KCNC2: variants seen among roughly 807,000 people sequenced by gnomAD.
KCNC2 encodes the protein voltage-gated potassium channel KCNC2.
A neutral mutation model predicts 44.5 loss-of-function variants in KCNC2; 21 were observed. The ratio of observed to expected loss-of-function variants is 0.47; its 90% CI spans 0.33 to 0.68. The LOEUF is 0.68. KCNC2 is among the 30% of genes least tolerant of loss of function. The pLI, the probability that KCNC2 is intolerant of heterozygous loss-of-function variation, is 0.01. For synonymous variants in KCNC2, 391 were observed against 339.1 expected (o/e 1.15, Z -1.68); for missense variants, 589 against 826.2 (o/e 0.71, Z 3.52).
At chr12:75,186,257 A>G (rs12300221) in intron 2 of KCNC2, among the ~76,000 whole-genome samples, 2,183 of 152,184 alleles carry the variant, frequency 0.014, 42 homozygotes, top group Admixed American at 0.038. Flanking sequence ...GAAGAAATAC[A>G]CAGGGCTCTC....
At chr12:75,162,619 A>G (rs1891191991) in intron 2 of KCNC2, among the ~76,000 whole-genome samples, 1 of 151,764 alleles carries the variant, frequency 6.6e-6, no homozygotes, top group African/African-American at 2.4e-5. Flanking sequence ...ATGCAAATTT[A>G]AAATCAGATA....
At chr12:75,180,170 C>G (rs12425359) in intron 2 of KCNC2, among the ~76,000 whole-genome samples, 11,914 of 151,906 alleles carry the variant, frequency 0.078, 534 homozygotes, top group Admixed American at 0.14. Flanking sequence ...ATCTATCCTA[C>G]TTTTAAACAA....
intron 2 of KCNC2, among the ~76,000 whole-genome samples, chr12:75,133,595 T>C (rs1420407431): frequency 6.6e-6 from 1 of 151,952 alleles, no homozygotes; most frequent in Non-Finnish European, 1.5e-5. Flanking sequence ...GCCCAAACCA[T>C]ATATAAAATT....
chr12:75,158,964 A>G (rs1331805284), intron 2 of KCNC2, among the ~76,000 whole-genome samples: 1 of 151,874 alleles, frequency 6.6e-6, no homozygotes, highest in East Asian at 1.9e-4. Context: ...GGGTAAATAT[A>G]AGCCCTTGGT....
At chr12:75,141,644 T>A (rs1889660679) in intron 2 of KCNC2, among the ~76,000 whole-genome samples, 1 of 152,206 alleles carries the variant, frequency 6.6e-6, no homozygotes, top group Non-Finnish European at 1.5e-5. Context: ...AGAATTTGAA[T>A]CCATCTTCTT....
At chr12:75,089,109 T>C (rs544014728) in intron 2 of KCNC2, among the ~76,000 whole-genome samples, 1 of 152,078 alleles carries the variant, frequency 6.6e-6, no homozygotes, top group African/African-American at 2.4e-5. Flanking sequence ...TAAATCTTTA[T>C]GCTTATATAT....
intron 2 of KCNC2, among the ~76,000 whole-genome samples, chr12:75,191,444 T>C (rs898094671): frequency 1.3e-5 from 2 of 148,950 alleles, no homozygotes; most frequent in African/African-American, 4.9e-5. Context: ...ATAAATAATT[T>C]AACTATAAAG....
chr12:75,084,455 G>T (rs1884823321), intron 2 of KCNC2, among the ~76,000 whole-genome samples: 1 of 151,900 alleles, frequency 6.6e-6, no homozygotes, highest in African/African-American at 2.4e-5. Flanking sequence ...AATCATGGGG[G>T]TCAGTCTTTC....
At chr12:75,181,075 ATC>A (rs1892539813) in intron 2 of KCNC2, among the ~76,000 whole-genome samples, 1 of 152,182 alleles carries the variant, frequency 6.6e-6, no homozygotes, top group African/African-American at 2.4e-5. Flanking sequence ...ACAATCTTCA[ATC>A]TCTAAGCAGA....
intron 1 of KCNC2, among the ~76,000 whole-genome samples, chr12:75,208,795 C>T (rs1254511164): frequency 1.3e-5 from 2 of 152,118 alleles, no homozygotes; most frequent in East Asian, 1.9e-4. Context: ...CTTATTTCCT[C>T]ATTCGATTTC....
At chr12:75,105,939 A>G (rs948651750) in intron 2 of KCNC2, among the ~76,000 whole-genome samples, 1 of 151,290 alleles carries the variant, frequency 6.6e-6, no homozygotes, top group African/African-American at 2.4e-5. Flanking sequence ...ACTTGGGGAG[A>G]TCACTTATAG....
chr12:75,189,731 C>A (rs1162005057), intron 2 of KCNC2, among the ~76,000 whole-genome samples: 1 of 152,182 alleles, frequency 6.6e-6, no homozygotes, highest in Non-Finnish European at 1.5e-5. Context: ...TGAAGTTAGG[C>A]AATGGTATCA....
chr12:75,071,301 A>G (rs1416703473), intron 2 of KCNC2, among the ~76,000 whole-genome samples: 2 of 152,164 alleles, frequency 1.3e-5, no homozygotes, highest in African/African-American at 4.8e-5. Context: ...TTACTTATTT[A>G]TTGAAGATAA....
chr12:75,174,222 G>C (rs1404004526), intron 2 of KCNC2, among the ~76,000 whole-genome samples: 1 of 150,576 alleles, frequency 6.6e-6, no homozygotes, highest in African/African-American at 2.4e-5. Flanking sequence ...TTTTTACACA[G>C]TGATTGTAAA....
At chr12:75,084,368 C>T (rs1398743439) in intron 2 of KCNC2, among the ~76,000 whole-genome samples, 1 of 151,464 alleles carries the variant, frequency 6.6e-6, no homozygotes, top group African/African-American at 2.4e-5. Flanking sequence ...TTGGCTGTGT[C>T]CCCACCCAAA....
intron 2 of KCNC2, among the ~76,000 whole-genome samples, chr12:75,079,468 C>T (rs1176732479): frequency 6.6e-6 from 1 of 152,072 alleles, no homozygotes; most frequent in Non-Finnish European, 1.5e-5. Context: ...ATTTTGTTGA[C>T]TACATGAATG....
At chr12:75,142,380 AAAT>A (rs1429347399) in intron 2 of KCNC2, among the ~76,000 whole-genome samples, 1 of 152,216 alleles carries the variant, frequency 6.6e-6, no homozygotes, top group East Asian at 1.9e-4. Flanking sequence ...TTTGAAAATA[AAAT>A]AATAATAAAA....
chr12:75,176,032 T>G lies in KCNC2; in HGVS notation c.687+31265A>C, dbSNP rs1160595049. Among the ~76,000 whole-genome samples, 4 of 152,216 alleles carry G rather than the reference T, an allele frequency of 2.6e-5. No individual in the cohort carries two copies. In the South Asian group the frequency reaches 6.2e-4, roughly 24 times the overall value. ...TTGCAGTGGTATCTGAGGTAGATTT[T>G]AAATTATTAGTAGAATTTGACAGAT... On this transcript the variant is annotated intron_variant, in intron 2 of 4. Coordinates refer to ENST00000549446, the MANE Select transcript of KCNC2 (RefSeq NM_139137.4).
intron 4 of KCNC2, among the ~76,000 whole-genome samples, chr12:75,046,004 A>G (rs1446383049): frequency 6.6e-6 from 1 of 151,828 alleles, no homozygotes; most frequent in Non-Finnish European, 1.5e-5. Flanking sequence ...ATAACCTACA[A>G]AAAGGGAAAC....
Sources: gnomAD v4.1 joint callset for allele counts (sites outside exome capture counted in the v4.1 genomes callset) on GRCh38, gnomAD v4.1.1 for gene constraint, MANE v1.5 for transcripts, NCBI Gene and HGNC (gene_info 2026-07-23, HGNC 2026-07-21) for gene names.